The following PLD5 variants were observed in gnomAD, a reference collection of about 807,000 sequenced individuals.
PLD5 encodes phospholipase D family member 5, also known as inactive phospholipase D5.
PLD5 carries 36 observed loss-of-function variants against 61.1 expected under a neutral mutation model. The observed-to-expected ratio is 0.59, with a 90% CI of 0.45 to 0.78. The LOEUF (loss-of-function observed/expected upper bound fraction) is 0.78. PLD5 is among the 30% of genes least tolerant of loss of function. The probability of loss-of-function intolerance (pLI) is 0.00; values close to 1 mark genes in which losing one functional copy is unlikely to be tolerated. For missense variants in PLD5, 515 were observed against 644.4 expected, an observed-to-expected ratio of 0.80 and a Z score of 2.17; for synonymous variants, 243 against 242.8, an observed-to-expected ratio of 1.00 and a Z score of -0.01.
At chr1:242,207,834 T>TTATATATTTA (rs1461529810) in intron 5 of PLD5, among the ~76,000 whole-genome samples, 1 of 45,846 alleles carries the variant, frequency 2.2e-5, no homozygotes, top group Non-Finnish European at 3.6e-5. Flanking sequence ...TTATATATAT[T>TTATATATTTA]TATATATTTA....
In PLD5 at chr1:242,394,338, GTATATATGAGTATATATGTGTGTATA is replaced by G. The variant is rs1558525960; in HGVS notation, c.190-46122_190-46097del. 3.5e-4 allele frequency among the ~76,000 whole-genome samples: 23 copies of G among 65,714 alleles called. 5 individuals are homozygous for G. The South Asian group carries it at 0.013, about 38-fold the overall frequency. 43.1% of individuals were successfully genotyped at this position (65,714 alleles called of 152,430 possible). ...TGTGTATATATGAGTATATATGTGT[GTATATATGAGTATATATGTGTGTATA>G]TATGAGTATATATGTGTGTATATAT... is the stretch of plus-strand genomic sequence containing the variant. On this transcript the variant is annotated intron_variant, in intron 1 of 9. Coordinates refer to ENST00000536534, the MANE Select transcript of PLD5 (RefSeq NM_001372062.1).
intron 1 of PLD5, among the ~76,000 whole-genome samples, chr1:242,522,304 C>T (rs1168079338): frequency 2.6e-5 from 4 of 152,242 alleles, no homozygotes; most frequent in Non-Finnish European, 5.9e-5. Context: ...CAAATAACCA[C>T]ATCTTCCTTT....
chr1:242,180,898 A>T (rs952760040), intron 5 of PLD5, among the ~76,000 whole-genome samples: 18 of 152,136 alleles, frequency 1.2e-4, no homozygotes, highest in African/African-American at 4.1e-4. Flanking sequence ...CAGGAGGGTC[A>T]CCTGAGCCCA....
intron 5 of PLD5, among the ~76,000 whole-genome samples, chr1:242,198,124 T>C (rs1558332869): frequency 6.6e-6 from 1 of 151,254 alleles, no homozygotes; most frequent in Non-Finnish European, 1.5e-5. Context: ...ATGGAAATAA[T>C]AGGGAAATGA....
intron 5 of PLD5, among the ~76,000 whole-genome samples, chr1:242,169,688 T>C (rs1184507407): frequency 1.3e-5 from 2 of 151,660 alleles, no homozygotes; most frequent in Non-Finnish European, 2.9e-5. Context: ...GGCTTGAAAT[T>C]GTTGCTGCCA....
At chr1:242,145,424 T>C (rs1277736381) in intron 5 of PLD5, among the ~76,000 whole-genome samples, 1 of 152,118 alleles carries the variant, frequency 6.6e-6, no homozygotes, top group Non-Finnish European at 1.5e-5. Context: ...CAGTACCTAG[T>C]ATGTCGTGGA....
chr1:242,303,037 C>A (rs370866243), intron 2 of PLD5, among the ~76,000 whole-genome samples: 2 of 152,064 alleles, frequency 1.3e-5, no homozygotes, highest in African/African-American at 2.4e-5. Context: ...ATGAACTCAG[C>A]GCCTTAGACC....
chr1:242,140,475 A>T (rs563418023), intron 5 of PLD5, among the ~76,000 whole-genome samples: 1 of 152,120 alleles, frequency 6.6e-6, no homozygotes, highest in African/African-American at 2.4e-5. Flanking sequence ...CTTCTCTACT[A>T]AAAATACAAA....
chr1:242,389,001 A>T (rs1408817326), intron 1 of PLD5, among the ~76,000 whole-genome samples: 1 of 151,042 alleles, frequency 6.6e-6, no homozygotes, highest in Admixed American at 6.6e-5. Flanking sequence ...AAATTATATA[A>T]CCAAGATTGC....
intron 3 of PLD5, among the ~76,000 whole-genome samples, chr1:242,267,136 A>C (rs1004517838): frequency 7.1e-6 from 1 of 140,764 alleles, no homozygotes; most frequent in African/African-American, 2.9e-5. Context: ...AAATAAAAAA[A>C]CAAAAAAAAA....
intron 5 of PLD5, among the ~76,000 whole-genome samples, chr1:242,214,046 A>G (rs1469443675): frequency 1.3e-5 from 2 of 152,180 alleles, no homozygotes; most frequent in Non-Finnish European, 2.9e-5. Context: ...TTGATCTGCA[A>G]ATAGCTCTCT....
intron 2 of PLD5, among the ~76,000 whole-genome samples, chr1:242,323,082 C>T (rs1302815927): frequency 6.6e-6 from 1 of 151,592 alleles, no homozygotes; most frequent in Non-Finnish European, 1.5e-5. Context: ...ACTAAGACTA[C>T]AATAAATTAT....
At chr1:242,200,161 CG>C (rs1273067057) in intron 5 of PLD5, among the ~76,000 whole-genome samples, 2 of 152,142 alleles carry the variant, frequency 1.3e-5, no homozygotes, top group East Asian at 3.8e-4. Flanking sequence ...TGCTGAAGGC[CG>C]GGGGCCTCTG....
At chr1:242,167,281 G>A (rs1193103666) in intron 5 of PLD5, among the ~76,000 whole-genome samples, 1 of 152,096 alleles carries the variant, frequency 6.6e-6, no homozygotes, top group Non-Finnish European at 1.5e-5. Context: ...AGAAAAAGAA[G>A]TTTAATGGAC....
At chr1:242,441,312 G>A (rs1666262909) in intron 1 of PLD5, among the ~76,000 whole-genome samples, 1 of 152,006 alleles carries the variant, frequency 6.6e-6, no homozygotes, top group South Asian at 2.1e-4. Context: ...GCTGTGTATG[G>A]TATGTTTTTA....
At chr1:242,363,620 C>A (rs1350719312) in intron 1 of PLD5, among the ~76,000 whole-genome samples, 1 of 150,868 alleles carries the variant, frequency 6.6e-6, no homozygotes, top group Non-Finnish European at 1.5e-5. Flanking sequence ...CCAGACATGC[C>A]AAGAAACAGG....
At chr1:242,304,220 G>A (rs1194720592) in intron 2 of PLD5, among the ~76,000 whole-genome samples, 13 of 152,196 alleles carry the variant, frequency 8.5e-5, no homozygotes, top group Admixed American at 7.9e-4. Flanking sequence ...AAGCATAAGT[G>A]TCAACTATGT....
chr1:242,319,462 C>A (rs1410131374), intron 2 of PLD5, among the ~76,000 whole-genome samples: 1 of 151,648 alleles, frequency 6.6e-6, no homozygotes, highest in Admixed American at 6.6e-5. Flanking sequence ...AATCTTGGGA[C>A]CCCAAACTCT....
At chr1:242,337,273 T>C (rs1490655338) in intron 2 of PLD5, among the ~76,000 whole-genome samples, 2 of 152,264 alleles carry the variant, frequency 1.3e-5, no homozygotes, top group African/African-American at 4.8e-5. Flanking sequence ...AGGCAGTAGA[T>C]TGTATTTTAA....
Sources: gnomAD v4.1 joint callset for allele counts (sites outside exome capture counted in the v4.1 genomes callset) on GRCh38, gnomAD v4.1.1 for gene constraint, MANE v1.5 for transcripts, NCBI Gene and HGNC (gene_info 2026-07-23, HGNC 2026-07-21) for gene names.